The following PTPRN2 variants were observed in gnomAD, a reference collection of about 807,000 sequenced individuals.
PTPRN2 encodes the protein protein tyrosine phosphatase receptor type N2.
In PTPRN2, 74 loss-of-function variants were observed where a neutral mutation model predicts 118.8. That is an observed-to-expected ratio of 0.62 (90% CI 0.52 to 0.76). PTPRN2 has a LOEUF of 0.76. Ranked by LOEUF, PTPRN2 falls within the 30% of genes least tolerant of loss-of-function variation. The pLI is 0.00. For missense variants in PTPRN2, 1,481 were observed against 1,394.4 expected, an observed-to-expected ratio of 1.06 and a Z score of -0.99; for synonymous variants, 641 against 608.0, an observed-to-expected ratio of 1.05 and a Z score of -0.80.
At chr7:157,631,217 A>G (rs1563282591) in intron 14 of PTPRN2, among the ~76,000 whole-genome samples, 1 of 152,328 alleles carries the variant, frequency 6.6e-6, no homozygotes, top group Non-Finnish European at 1.5e-5. Context: ...CCATTAAGGT[A>G]GTGGAGAAAA....
chr7:158,587,547 C>A lies in PTPRN2; in HGVS notation c.112+11G>T. On this transcript the variant is annotated intron_variant, in intron 1 of 22. Coordinates refer to ENST00000389418, the MANE Select transcript of PTPRN2 (RefSeq NM_002847.5). ...CATTGAGGCGCCCCTCCCCCGGCGC[C>A]CCCCACTCACCCAGACGCCCCGGGA... 1 of 1,272,050 alleles carries A rather than the reference C, an allele frequency of 7.9e-7. No individual in the cohort carries two copies. The highest frequency in any genetic ancestry group is 9.9e-7 in the Non-Finnish European group (1 of 1,011,116). 78.8% of individuals were successfully genotyped at this position (1,272,050 alleles called of 1,614,324 possible). A position where few individuals can be genotyped will look rare whatever the true frequency, so the allele number is the denominator to read the frequency against.
At chr7:158,014,309 T>C (rs1360223062) in intron 11 of PTPRN2, among the ~76,000 whole-genome samples, 2 of 148,108 alleles carry the variant, frequency 1.4e-5, no homozygotes, top group East Asian at 2.1e-4. Flanking sequence ...CCAGCATCCA[T>C]CCACCCATCC....
chr7:157,545,110 A>G (rs1362668253), intron 22 of PTPRN2, among the ~76,000 whole-genome samples: 1 of 119,208 alleles, frequency 8.4e-6, no homozygotes, highest in African/African-American at 3.3e-5. Flanking sequence ...GTGGGTGTGT[A>G]GGTGTGTGTG....
chr7:157,758,100 C>G (rs1312834566), intron 12 of PTPRN2, among the ~76,000 whole-genome samples: 2 of 152,216 alleles, frequency 1.3e-5, no homozygotes, highest in East Asian at 1.9e-4. Context: ...GCGGGATTGA[C>G]GGAGCGGGAG....
At chr7:158,483,354 C>T (rs2129445034) in intron 2 of PTPRN2, among the ~76,000 whole-genome samples, 1 of 152,302 alleles carries the variant, frequency 6.6e-6, no homozygotes, top group African/African-American at 2.4e-5. Flanking sequence ...TTCATTTATT[C>T]TTGTATCCAC....
intron 2 of PTPRN2, among the ~76,000 whole-genome samples, chr7:158,343,962 A>C (rs1807288254): frequency 6.6e-6 from 1 of 152,170 alleles, no homozygotes; most frequent in Non-Finnish European, 1.5e-5. Flanking sequence ...ACCAGTGAAC[A>C]CACCAATGAA....
At chr7:157,894,084 C>T (rs984290520) in intron 12 of PTPRN2, among the ~76,000 whole-genome samples, 3 of 152,136 alleles carry the variant, frequency 2.0e-5, no homozygotes, top group Admixed American at 1.3e-4. Context: ...ACCTGCCTGA[C>T]GCATATAAAT....
intron 12 of PTPRN2, among the ~76,000 whole-genome samples, chr7:157,827,085 A>ACTGC (rs1807225422): frequency 6.6e-6 from 1 of 152,116 alleles, no homozygotes; most frequent in East Asian, 1.9e-4. Flanking sequence ...ACACTGCCAG[A>ACTGC]CATCTGAAGT....
At chr7:158,187,376 T>G (rs1825258491) in intron 5 of PTPRN2, among the ~76,000 whole-genome samples, 1 of 152,246 alleles carries the variant, frequency 6.6e-6, no homozygotes, top group African/African-American at 2.4e-5. Context: ...TGATTGTACC[T>G]TCAAAGATCG....
At chr7:158,473,924 T>A (rs918762019) in intron 2 of PTPRN2, among the ~76,000 whole-genome samples, 2 of 152,206 alleles carry the variant, frequency 1.3e-5, no homozygotes, top group African/African-American at 4.8e-5. Flanking sequence ...GGGGCTGATA[T>A]CTAATTTACT....
intron 1 of PTPRN2, among the ~76,000 whole-genome samples, chr7:158,527,754 T>C (rs1824897688): frequency 1.3e-5 from 2 of 152,044 alleles, no homozygotes; most frequent in South Asian, 4.2e-4. Context: ...GAGAGTAGAA[T>C]TGTCTGTGTA....
In PTPRN2 at chr7:157,656,849, C is replaced by T. The variant is rs1008845717; in HGVS notation, c.2002-298G>A. 1.0e-4 allele frequency among the ~76,000 whole-genome samples: 13 copies of T among 124,502 alleles called. 2 individuals are homozygous for T. The highest frequency in any genetic ancestry group is 1.7e-4 in the Non-Finnish European group (9 of 53,582). 81.7% of individuals were successfully genotyped at this position (124,502 alleles called of 152,430 possible). A position where few individuals can be genotyped will look rare whatever the true frequency, so the allele number is the denominator to read the frequency against. On this transcript the variant is annotated intron_variant, in intron 13 of 22. Transcript: ENST00000389418. The stretch of plus-strand genomic sequence containing the variant: ...CACACATATACACACACACACCACA[C>T]ACACACACACATCACACATATATAC...
At chr7:157,878,406 A>C (rs1197135203) in intron 12 of PTPRN2, among the ~76,000 whole-genome samples, 6 of 140,400 alleles carry the variant, frequency 4.3e-5, no homozygotes, top group African/African-American at 1.4e-4. Flanking sequence ...TGGGGCTGGA[A>C]GGGTCAGTGT....
At chr7:157,576,511 C>A in intron 19 of PTPRN2, 102 bp downstream of exon 19, 1 of 1,249,118 alleles carries the variant, frequency 8.0e-7, no homozygotes, top group South Asian at 1.6e-5. Context: ...CCGACACAGA[C>A]GCGGCCCTCG....
intron 2 of PTPRN2, among the ~76,000 whole-genome samples, chr7:158,470,009 AG>A (rs1819733651): frequency 6.6e-6 from 1 of 151,744 alleles, no homozygotes; most frequent in Non-Finnish European, 1.5e-5. Flanking sequence ...GCCTCATAAA[AG>A]AATTGGGAGC....
intron 1 of PTPRN2, among the ~76,000 whole-genome samples, chr7:158,586,937 T>C (rs1470498112): frequency 6.6e-6 from 1 of 150,380 alleles, no homozygotes; most frequent in Non-Finnish European, 1.5e-5. Flanking sequence ...GGAGCCGGGG[T>C]AGAGGCAGGA....
chr7:157,563,914 C>T (rs1799350988), intron 21 of PTPRN2, among the ~76,000 whole-genome samples: 1 of 152,232 alleles, frequency 6.6e-6, no homozygotes, highest in African/African-American at 2.4e-5. Flanking sequence ...ACACCACACA[C>T]AGCAGATCAG....
chr7:158,081,521 C>T (rs780405832), intron 10 of PTPRN2, 144 bp from the exon 11 acceptor site: 103 of 711,258 alleles, frequency 1.4e-4, no homozygotes, highest in African/African-American at 2.8e-4. Context: ...CTCCACTGGA[C>T]GTCGGTTTTC....
At chr7:158,188,989 T>C (rs144811144) in intron 5 of PTPRN2, among the ~76,000 whole-genome samples, 1 of 152,278 alleles carries the variant, frequency 6.6e-6, no homozygotes, top group African/African-American at 2.4e-5. Context: ...CAGTACACTG[T>C]GCTCGGCCTA....
Sources: gnomAD v4.1 joint callset for allele counts (sites outside exome capture counted in the v4.1 genomes callset) on GRCh38, gnomAD v4.1.1 for gene constraint, MANE v1.5 for transcripts, NCBI Gene and HGNC (gene_info 2026-07-23, HGNC 2026-07-21) for gene names.